TNFSF13B: variants seen among roughly 807,000 people sequenced by gnomAD.
TNFSF13B encodes the protein tumor necrosis factor ligand superfamily member 13B.
TNFSF13B carries 8 observed loss-of-function variants against 29.1 expected under a neutral mutation model. That is an observed-to-expected ratio of 0.27 (90% CI 0.16 to 0.50). The LOEUF (loss-of-function observed/expected upper bound fraction) is 0.50. Among genes scored for constraint, TNFSF13B ranks in the 20% least tolerant of loss-of-function variants. The pLI is 0.98. For synonymous variants in TNFSF13B, 125 were observed against 130.8 expected, an observed-to-expected ratio of 0.96 and a Z score of 0.30; for missense variants, 248 against 334.9, an observed-to-expected ratio of 0.74 and a Z score of 2.03.
Position 108,270,034 on chromosome 13 carries a change from C to G in TNFSF13B, c.139C>G (p.Leu47Val). The change falls in exon 1 of 6, where the codon CTG becomes GTG. Residue 47 changes from leucine to valine, a missense_variant. Coordinates refer to ENST00000375887, the MANE Select transcript of TNFSF13B (RefSeq NM_006573.5). ...PSVRSSKDGK[L>V]LAATLLLALL... ...TGTCCGATCCTCCAAAGACGGAAAG[C>G]TGCTGGCTGCAACCTTGCTGCTGGC... is the stretch of plus-strand genomic sequence containing the variant. 1 of 1,612,060 alleles carries G rather than the reference C, an allele frequency of 6.2e-7. No homozygotes were observed. The highest frequency in any genetic ancestry group is 8.5e-7 in the Non-Finnish European group (1 of 1,179,994).
chr13:108,288,400 C>A (rs1224143), intron 3 of TNFSF13B, among the ~76,000 whole-genome samples: 146,685 of 152,224 alleles, frequency 0.96, 70,831 homozygotes, highest in Non-Finnish European at 0.99. Flanking sequence ...AATAACGGGC[C>A]TTGAAAAAAG....
chr13:108,285,559 C>G (rs976846270), intron 2 of TNFSF13B, among the ~76,000 whole-genome samples: 1 of 152,122 alleles, frequency 6.6e-6, no homozygotes, highest in Non-Finnish European at 1.5e-5. Context: ...ATTTGTGTAT[C>G]TAAACATAGA....
chr13:108,283,265 G>T (rs1031680596), intron 2 of TNFSF13B, among the ~76,000 whole-genome samples: 2 of 152,200 alleles, frequency 1.3e-5, no homozygotes, highest in Non-Finnish European at 2.9e-5. Context: ...GAGTAACTTT[G>T]TCTGGAACAA....
chr13:108,273,271 T>C (rs369554224), intron 2 of TNFSF13B, among the ~76,000 whole-genome samples: 23 of 152,270 alleles, frequency 1.5e-4, no homozygotes, highest in African/African-American at 5.3e-4. Flanking sequence ...AAATTATCTG[T>C]AGATTTGTGA....
chr13:108,298,704 C>T (rs114820783), intron 3 of TNFSF13B, among the ~76,000 whole-genome samples: 1,545 of 145,498 alleles, frequency 0.011, 216 homozygotes, highest in African/African-American at 0.038. Context: ...CACCTGGGCA[C>T]GGTAGCTCAT....
At chr13:108,285,145 G>GT (rs1413741674) in intron 2 of TNFSF13B, among the ~76,000 whole-genome samples, 3 of 152,092 alleles carry the variant, frequency 2.0e-5, no homozygotes, top group African/African-American at 7.2e-5. Flanking sequence ...ATAAAAATGT[G>GT]TTAGAAAAGC....
At chr13:108,288,329 T>C (rs553159103) in intron 3 of TNFSF13B, among the ~76,000 whole-genome samples, 1 of 152,190 alleles carries the variant, frequency 6.6e-6, no homozygotes, top group African/African-American at 2.4e-5. Context: ...GACTAAAATA[T>C]GCACAAATGC....
At chr13:108,291,010 C>T (rs1447817979) in intron 3 of TNFSF13B, among the ~76,000 whole-genome samples, 1 of 151,742 alleles carries the variant, frequency 6.6e-6, no homozygotes, top group Non-Finnish European at 1.5e-5. Flanking sequence ...TTCCAGACTG[C>T]TTGAAGACAT....
intron 2 of TNFSF13B, among the ~76,000 whole-genome samples, chr13:108,285,180 T>C (rs1881088516): frequency 7.0e-6 from 1 of 142,360 alleles, no homozygotes; most frequent in Non-Finnish European, 1.5e-5. Context: ...GGAATTATAG[T>C]TTTTAACAAT....
At chr13:108,281,916 GT>G (rs373774556) in intron 2 of TNFSF13B, among the ~76,000 whole-genome samples, 39 of 147,106 alleles carry the variant, frequency 2.7e-4, no homozygotes, top group East Asian at 1.4e-3. Flanking sequence ...ATCTTTAAGT[GT>G]TTTTTTTTTC....
Position 108,296,762 on chromosome 13 carries a change from T to C in TNFSF13B, c.482-6491T>C, listed in dbSNP as rs148946778. The stretch of plus-strand genomic sequence containing the variant: ...TTGTTTTTCTCTTAATTTCTTTTTG[T>C]GCATTTTTAAAAGTCATTATCATAG... On this transcript the variant is annotated intron_variant, in intron 3 of 5. Transcript: ENST00000375887. Among the ~76,000 whole-genome samples, 55 of 145,544 alleles carry C rather than the reference T, an allele frequency of 3.8e-4. 8 individuals carry two copies. The highest frequency in any genetic ancestry group is 7.8e-4 in the Non-Finnish European group (51 of 65,422).
chr13:108,305,783 T>C (rs779179656), intron 5 of TNFSF13B, among the ~76,000 whole-genome samples: 6 of 152,162 alleles, frequency 3.9e-5, no homozygotes, highest in Non-Finnish European at 7.4e-5. Context: ...TGTGTGTTTG[T>C]CTAGAAGGGT....
In TNFSF13B at chr13:108,299,158, G is replaced by A. The variant is rs115660860; in HGVS notation, c.482-4095G>A. 5.7e-3 allele frequency among the ~76,000 whole-genome samples: 836 copies of A among 145,754 alleles called. 123 individuals are homozygous for A. Among genetic ancestry groups the A allele is most frequent in the African/African-American group, 0.021 (807 of 38,884 alleles). On this transcript the variant is annotated intron_variant, in intron 3 of 5. Transcript: ENST00000375887. ...ATTCCTCAGTATTTCATTTTTTGAG[G>A]TAATAATCTCAATGCCATTATGTTT... is the stretch of plus-strand genomic sequence containing the variant.
intron 2 of TNFSF13B, among the ~76,000 whole-genome samples, chr13:108,270,706 G>A (rs1880589931): frequency 6.6e-6 from 1 of 152,088 alleles, no homozygotes; most frequent in African/African-American, 2.4e-5. Context: ...GGAGATAAAA[G>A]GGCCATATGT....
chr13:108,277,714 G>T (rs1880799750), intron 2 of TNFSF13B, among the ~76,000 whole-genome samples: 1 of 152,144 alleles, frequency 6.6e-6, no homozygotes, highest in Non-Finnish European at 1.5e-5. Context: ...GATTATTCAT[G>T]CCTCCCCTTT....
chr13:108,280,696 A>G (rs1317946501), intron 2 of TNFSF13B, among the ~76,000 whole-genome samples: 1 of 152,010 alleles, frequency 6.6e-6, no homozygotes, highest in African/African-American at 2.4e-5. Context: ...AAACTGAAGC[A>G]ACATTAAGTC....
At position 108,292,326 on chromosome 13, in the gene TNFSF13B, A is replaced by G. The variant is rs192229924; in HGVS notation, c.481+5467A>G. On this transcript the variant is annotated intron_variant, in intron 3 of 5. Transcript: ENST00000375887. ...ATACTTCATGCCTCTGTATGAATGT[A>G]TATCATTCTATTATAAGTAAGCCAT... Among the ~76,000 whole-genome samples the G allele has an allele frequency of 3.3e-5, 5 of 152,232 alleles. No individual in the cohort carries two copies. In the East Asian group the frequency reaches 9.6e-4, roughly 29 times the overall value.
chr13:108,304,790 G>A (rs1353361477), intron 5 of TNFSF13B, among the ~76,000 whole-genome samples: 3 of 152,106 alleles, frequency 2.0e-5, no homozygotes, highest in South Asian at 2.1e-4. Context: ...TTCTAATAAT[G>A]GAAATGATGT....
chr13:108,285,962 T>A (rs1461567046), intron 2 of TNFSF13B, among the ~76,000 whole-genome samples: 1 of 152,276 alleles, frequency 6.6e-6, no homozygotes, highest in African/African-American at 2.4e-5. Context: ...CATTTCTCCT[T>A]ATTTAACACA....
Sources: allele counts gnomAD v4.1 joint callset (sites outside exome capture counted in the v4.1 genomes callset), GRCh38; gene constraint gnomAD v4.1.1; transcripts MANE v1.5; gene names NCBI Gene and HGNC (gene_info 2026-07-23, HGNC 2026-07-21).